The following LMBR1 variants were observed in gnomAD, a reference collection of about 807,000 sequenced individuals.
The protein encoded by LMBR1 is limb development membrane protein 1, also known as limb region 1 protein homolog.
In LMBR1, 52 loss-of-function variants were observed where a neutral mutation model predicts 73.9. The observed-to-expected ratio is 0.70, with a 90% confidence interval of 0.56 to 0.89. The LOEUF (loss-of-function observed/expected upper bound fraction) is 0.89, where lower values mean the gene tolerates loss of function less well. LMBR1 is among the 40% of genes least tolerant of loss of function. The pLI is 0.00. For missense variants in LMBR1, 539 were observed against 579.8 expected (o/e 0.93, Z 0.72); for synonymous variants, 215 against 209.4 (o/e 1.03, Z -0.23).
At chr7:156,761,976 CAAA>C (rs552712592) in intron 8 of LMBR1, among the ~76,000 whole-genome samples, 155 bp downstream of exon 8, 22 of 104,184 alleles carry the variant, frequency 2.1e-4, no homozygotes, top group Non-Finnish European at 4.0e-4. Context: ...GACTCTGTCT[CAAA>C]AAAAAAAAAA....
intron 5 of LMBR1, among the ~76,000 whole-genome samples, chr7:156,796,141 T>A (rs1173399242): frequency 6.6e-6 from 1 of 152,224 alleles, no homozygotes; most frequent in Non-Finnish European, 1.5e-5. Context: ...ATCAGGTTTA[T>A]CCATTACACT....
intron 15 of LMBR1, among the ~76,000 whole-genome samples, chr7:156,692,106 G>A (rs371234558): frequency 3.2e-4 from 49 of 152,064 alleles, no homozygotes; most frequent in African/African-American, 1.2e-3. Context: ...ATGGAGTTTT[G>A]CACTTGTCGC....
chr7:156,854,552 C>T (rs1796683205), intron 1 of LMBR1, among the ~76,000 whole-genome samples: 2 of 152,212 alleles, frequency 1.3e-5, no homozygotes, highest in Non-Finnish European at 2.9e-5. Flanking sequence ...GGCCCGTCTG[C>T]AAGAGAAACC....
intron 5 of LMBR1, among the ~76,000 whole-genome samples, chr7:156,770,194 T>TA (rs1464231476): frequency 1.3e-5 from 2 of 151,542 alleles, no homozygotes; most frequent in African/African-American, 4.9e-5. Context: ...TATGTCTATC[T>TA]TTTTTTTTAA....
In LMBR1 at chr7:156,725,818, G is replaced by A; in HGVS notation, c.1013C>T (p.Ala338Val). 3 of 1,612,812 alleles carry A rather than the reference G, an allele frequency of 1.9e-6. No homozygotes were observed. Among genetic ancestry groups the A allele is most frequent in the Non-Finnish European group, 2.5e-6 (3 of 1,179,280 alleles). Residue 338 changes from alanine (A) to valine (V), a missense_variant, in exon 13 of 17, where the codon GCC (alanine) becomes GTC (valine). Ala to Val is a moderately conservative substitution (Grantham distance 64). Transcript: ENST00000353442. ...CACAAAACCAAACGTAGAAAGAGAGGCATTTCCTATTCCAGGCCCCTGGGG... is the reference window on the plus strand; with the variant it reads ...CACAAAACCAAACGTAGAAAGAGAGACATTTCCTATTCCAGGCCCCTGGGG... Reference protein sequence around the residue: ...KGTRGPGIGNASLSTFGFVGA... With the variant: ...KGTRGPGIGNVSLSTFGFVGA...
At position 156,727,972 on chromosome 7, in the gene LMBR1, A is replaced by C; in HGVS notation, c.951T>G (p.Leu317=). ...TTGCTGTTTCATCAACCAATAGGCAAAGAATATTACAAGCCACCAAGAGGA... is the reference window on the plus strand; with the variant it reads ...TTGCTGTTTCATCAACCAATAGGCACAGAATATTACAAGCCACCAAGAGGA... ...ISVLLVACNI[L]CLLVDETAMP... is the part of the protein sequence containing the mutation. The change falls in exon 12 of 17, where the codon CTT becomes CTG. Residue 317 remains leucine (L), a synonymous_variant. Coordinates refer to ENST00000353442, the MANE Select transcript of LMBR1 (RefSeq NM_022458.4). 1 of 1,613,556 alleles carries C rather than the reference A, an allele frequency of 6.2e-7. No individual in the cohort carries two copies. The highest frequency in any genetic ancestry group is 8.5e-7 in the Non-Finnish European group (1 of 1,179,772).
intron 8 of LMBR1, among the ~76,000 whole-genome samples, chr7:156,757,129 C>G (rs2132818817): frequency 6.6e-6 from 1 of 152,156 alleles, no homozygotes; most frequent in African/African-American, 2.4e-5. Context: ...CTACATGTAC[C>G]AATTTTAAAC....
rs58044015 is a variant in LMBR1, at chr7:156,805,215, CTT to C, written c.320-8725_320-8724del. On this transcript the variant is annotated intron_variant, in intron 4 of 16. Coordinates refer to ENST00000353442, the MANE Select transcript of LMBR1 (RefSeq NM_022458.4). ...TTTATCTTTATGCTAACATCATGCA[CTT>C]TTTTTTTTTTTTTTTTTTGAGACAA... 1.2e-3 allele frequency among the ~76,000 whole-genome samples: 144 copies of C among 122,712 alleles called. 1 individual carries two copies. The highest frequency in any genetic ancestry group is 4.5e-3 in the Middle Eastern group (1 of 222). The allele number at this position is 122,712 out of a possible 152,430, so 80.5% of individuals were successfully genotyped here.
chr7:156,880,935 G>A (rs1454167822), intron 1 of LMBR1, among the ~76,000 whole-genome samples: 1 of 152,080 alleles, frequency 6.6e-6, no homozygotes, highest in African/African-American at 2.4e-5. Context: ...CTTCAAGCAT[G>A]AGCCACCACG....
At chr7:156,866,927 G>A (rs1396835279) in intron 1 of LMBR1, among the ~76,000 whole-genome samples, 2 of 152,146 alleles carry the variant, frequency 1.3e-5, no homozygotes, top group Non-Finnish European at 2.9e-5. Flanking sequence ...GAAGATCCTT[G>A]TGATAGTTCT....
At chr7:156,782,338 T>C (rs1294863127) in intron 5 of LMBR1, among the ~76,000 whole-genome samples, 2 of 152,226 alleles carry the variant, frequency 1.3e-5, no homozygotes, top group Non-Finnish European at 2.9e-5. Flanking sequence ...TATCCAGAAG[T>C]GGAATTGCTG....
chr7:156,770,952 A>G (rs1257781904), intron 5 of LMBR1, among the ~76,000 whole-genome samples: 1 of 152,134 alleles, frequency 6.6e-6, no homozygotes, highest in Non-Finnish European at 1.5e-5. Context: ...CAGGAAATTA[A>G]AGTAAGTATA....
chr7:156,743,548 AG>A (rs1237495212), intron 9 of LMBR1, among the ~76,000 whole-genome samples: 1 of 152,232 alleles, frequency 6.6e-6, no homozygotes, highest in African/African-American at 2.4e-5. Flanking sequence ...AGTGACATCA[AG>A]GGACTAAAAG....
chr7:156,673,700 C>T (rs1045989392), downstream of LMBR1, among the ~76,000 whole-genome samples: 4 of 152,096 alleles, frequency 2.6e-5, no homozygotes, highest in African/African-American at 9.7e-5. Flanking sequence ...TCAAAAGGAC[C>T]TCTCATCCTT....
chr7:156,814,526 T>A (rs918987341), intron 4 of LMBR1, among the ~76,000 whole-genome samples: 1 of 152,242 alleles, frequency 6.6e-6, no homozygotes, highest in Non-Finnish European at 1.5e-5. Context: ...TTTTTAAAAA[T>A]CTAATTTCAG....
intron 5 of LMBR1, among the ~76,000 whole-genome samples, chr7:156,778,857 T>C (rs185711748): frequency 1.6e-4 from 24 of 152,294 alleles, no homozygotes; most frequent in African/African-American, 5.8e-4. Context: ...GCACAGCATA[T>C]AAGCAAAAAA....
Position 156,730,120 on chromosome 7 carries a change from A to G in LMBR1, c.839-1400T>C, listed in dbSNP as rs149860727. 4.4e-3 allele frequency among the ~76,000 whole-genome samples: 675 copies of G among 152,376 alleles called. 4 individuals carry two copies. Among genetic ancestry groups the G allele is most frequent in the African/African-American group, 0.016 (650 of 41,602 alleles). On this transcript the variant is annotated intron_variant, in intron 10 of 16. Coordinates refer to ENST00000353442, the MANE Select transcript of LMBR1 (RefSeq NM_022458.4). ...CCTTTCAGCAAACTCAACAGAGCCA[A>G]GAGGACAGACATTGGCATTTGGGGC... is the stretch of plus-strand genomic sequence containing the variant.
In LMBR1 at chr7:156,670,082, T is replaced by G. The variant is rs1250040375; in HGVS notation, n.867-795A>C. On this transcript the variant is annotated intron_variant and non_coding_transcript_variant, in intron 4 of 4. Transcript: ENST00000430825. This position sits in a 1 kb window ranked among gnomAD's most constrained non-coding sequence, Gnocchi z 4.3. ...ATGTTATTCTAAGAAAAAATTAAATTATAAATTTTATGACTTTCACAGTGC... is the reference window on the plus strand; with the variant it reads ...ATGTTATTCTAAGAAAAAATTAAATGATAAATTTTATGACTTTCACAGTGC... 6.6e-6 allele frequency among the ~76,000 whole-genome samples: 1 copy of G among 152,254 alleles called. No individual in the cohort carries two copies. The highest frequency in any genetic ancestry group is 1.5e-5 in the Non-Finnish European group (1 of 68,048).
At chr7:156,853,473 C>T (rs1027714438) in intron 1 of LMBR1, among the ~76,000 whole-genome samples, 7 of 151,880 alleles carry the variant, frequency 4.6e-5, no homozygotes, top group African/African-American at 1.7e-4. Context: ...AACATTTACA[C>T]TAATTTTTGT....
Sources: allele counts gnomAD v4.1 joint callset (sites outside exome capture counted in the v4.1 genomes callset), GRCh38; gene constraint gnomAD v4.1.1; non-coding constraint Gnocchi (gnomAD v3.1); transcripts MANE v1.5; gene names NCBI Gene and HGNC (gene_info 2026-07-23, HGNC 2026-07-21).